CDH4: variants seen among roughly 807,000 people sequenced by gnomAD.
CDH4 encodes cadherin-4.
In CDH4, 33 loss-of-function variants were observed where a neutral mutation model predicts 86.0. The ratio of observed to expected loss-of-function variants is 0.38; its 90% CI spans 0.29 to 0.51. CDH4 has a LOEUF of 0.51. CDH4 is among the 20% of genes least tolerant of loss of function. The pLI is 0.86. For missense variants in CDH4, 1,114 were observed against 1,307.4 expected, an observed-to-expected ratio of 0.85 and a Z score of 2.28; for synonymous variants, 555 against 549.4, an observed-to-expected ratio of 1.01 and a Z score of -0.14.
intron 8 of CDH4, among the ~76,000 whole-genome samples, chr20:61,898,839 G>A (rs1985251018): frequency 6.6e-6 from 1 of 152,200 alleles, no homozygotes; most frequent in African/African-American, 2.4e-5. Context: ...AAATGCCATG[G>A]GTGGTGCCCA....
chr20:61,662,944 C>T (rs1325686240), intron 2 of CDH4, among the ~76,000 whole-genome samples: 1 of 152,132 alleles, frequency 6.6e-6, no homozygotes, highest in Non-Finnish European at 1.5e-5. Context: ...CAGCACCCAT[C>T]TCTGTCCACT....
rs189579996 is a variant in CDH4 at position 61,271,032 on chromosome 20, A to T, written c.169+16095A>T. On this transcript the variant is annotated intron_variant, in intron 2 of 15. Coordinates refer to ENST00000614565, the MANE Select transcript of CDH4 (RefSeq NM_001794.5). ...ACTATAAGCACAATATTCTCTAAAA[A>T]TCTCATTTCTAAATATGATGGCAGT... is the stretch of plus-strand genomic sequence containing the variant. Among the ~76,000 whole-genome samples the T allele has an allele frequency of 2.6e-5, 4 of 152,264 alleles. No homozygotes were observed. In the East Asian group the frequency reaches 5.8e-4, roughly 22 times the overall value.
At chr20:61,351,770 G>A (rs1280207341) in intron 2 of CDH4, among the ~76,000 whole-genome samples, 2 of 151,130 alleles carry the variant, frequency 1.3e-5, no homozygotes, top group South Asian at 2.1e-4. Context: ...ATGCTGGAGT[G>A]CAGTGGCGCA....
In CDH4 at chr20:61,902,663, T is replaced by G. The variant is rs1489894409; in HGVS notation, c.1188+7616T>G. Among the ~76,000 whole-genome samples, 1 of 152,238 alleles carries G rather than the reference T, an allele frequency of 6.6e-6. No individual in the cohort carries two copies. Among genetic ancestry groups the G allele is most frequent in the Non-Finnish European group, 1.5e-5 (1 of 68,044 alleles). On this transcript the variant is annotated intron_variant, in intron 8 of 15. Coordinates refer to ENST00000614565, the MANE Select transcript of CDH4 (RefSeq NM_001794.5). This position sits in a 1 kb window ranked among gnomAD's most constrained non-coding sequence, Gnocchi z 4.6. ...AAACAGAAGCGAGTGGGTGTGGCCA[T>G]GTCCCAATAAACTTTATTTACAAAA...
intron 7 of CDH4, among the ~76,000 whole-genome samples, chr20:61,888,580 A>G (rs1210395646): frequency 1.3e-5 from 2 of 152,242 alleles, no homozygotes; most frequent in East Asian, 3.8e-4. Flanking sequence ...GGCCCAGCGA[A>G]TGTCTGGACA....
At chr20:61,931,529 G>A (rs562701681) in intron 13 of CDH4, among the ~76,000 whole-genome samples, 11 of 152,292 alleles carry the variant, frequency 7.2e-5, no homozygotes, top group South Asian at 2.1e-4. Flanking sequence ...TCTCGCCTCC[G>A]GGCTCACCCT....
chr20:61,653,825 A>G (rs369188350), intron 2 of CDH4, among the ~76,000 whole-genome samples: 4 of 50,976 alleles, frequency 7.8e-5, no homozygotes, highest in Non-Finnish European at 2.1e-4. Flanking sequence ...CCTAGATGGG[A>G]TGGCGGCCGG....
intron 15 of CDH4, 30 bp downstream of exon 15, chr20:61,934,250 G>A (rs766549411): frequency 6.6e-7 from 1 of 1,507,064 alleles, no homozygotes; most frequent in Non-Finnish European, 8.9e-7. Context: ...GGGGGGCCCG[G>A]GCAAGGTGTC....
intron 2 of CDH4, among the ~76,000 whole-genome samples, chr20:61,361,249 G>C (rs528708178): frequency 6.6e-6 from 1 of 152,272 alleles, no homozygotes; most frequent in Non-Finnish European, 1.5e-5. Context: ...AGGGTTTCTG[G>C]GATGGGCCCT....
rs2088543182 is a variant in CDH4, at chr20:61,754,908, T to G, written c.396+11119T>G. ...TACCCTGCACATACCACACACAGAG[T>G]GCGTGCCTGTATTAGTCCGTTTTCA... On this transcript the variant is annotated intron_variant, in intron 3 of 15. Transcript: ENST00000614565. This position sits in a 1 kb window ranked among gnomAD's most constrained non-coding sequence, Gnocchi z 4.7. 1 of 150,750 alleles carries G rather than the reference T, an allele frequency of 6.6e-6. No homozygotes were observed. Among genetic ancestry groups the G allele is most frequent in the African/African-American group, 2.4e-5 (1 of 40,828 alleles). The allele number at this position is 150,750 out of a possible 1,614,324, so 9.3% of individuals were successfully genotyped here. A position where few individuals can be genotyped will look rare whatever the true frequency, so the allele number is the denominator to read the frequency against.
At position 61,283,513 on chromosome 20, in the gene CDH4, GTGGTGTGTGATGTAGGTGCA is replaced by G. The variant is rs1568781144; in HGVS notation, c.169+28578_169+28597del. On this transcript the variant is annotated intron_variant, in intron 2 of 15. Transcript: ENST00000614565. ...GTAGGTGCATTTGCACGCGTGTGCTGTGGTGTGTGATGTAGGTGCATTTACACGCGTGTGCTGTGGTGTGT... is the reference window on the plus strand; with the variant it reads ...GTAGGTGCATTTGCACGCGTGTGCTGTTTACACGCGTGTGCTGTGGTGTGT... Among the ~76,000 whole-genome samples, 15 of 128,852 alleles carry G rather than the reference GTGGTGTGTGATGTAGGTGCA, an allele frequency of 1.2e-4. 2 individuals carry two copies. Among genetic ancestry groups the G allele is most frequent in the African/African-American group, 3.1e-4 (11 of 35,176 alleles). 84.5% of individuals were successfully genotyped at this position (128,852 alleles called of 152,430 possible).
chr20:61,569,634 G>A lies in CDH4; in HGVS notation c.170-173929G>A, dbSNP rs146311970. Among the ~76,000 whole-genome samples the A allele has an allele frequency of 8.6e-3, 1,303 of 152,192 alleles. 22 individuals are homozygous for A. The highest frequency in any genetic ancestry group is 0.03 in the African/African-American group (1,247 of 41,516). On this transcript the variant is annotated intron_variant, in intron 2 of 15. Transcript: ENST00000614565. ...AATTCAGGAAATGTACCAATGATAC[G>A]AGATTCATATCTAATCTAGATATTC...
chr20:61,899,060 G>C (rs1253237519), intron 8 of CDH4, among the ~76,000 whole-genome samples: 1 of 152,170 alleles, frequency 6.6e-6, no homozygotes, highest in Non-Finnish European at 1.5e-5. Context: ...ACTTTGGGAG[G>C]CCAAGGTGGG....
chr20:61,688,346 C>T (rs181108132), intron 2 of CDH4, among the ~76,000 whole-genome samples: 28 of 152,212 alleles, frequency 1.8e-4, no homozygotes, highest in Non-Finnish European at 2.1e-4. Context: ...CCATTGTGTC[C>T]TCCTCCCACC....
At chr20:61,832,321 CT>C (rs528780270) in intron 4 of CDH4, among the ~76,000 whole-genome samples, 3 of 152,194 alleles carry the variant, frequency 2.0e-5, no homozygotes, top group Non-Finnish European at 4.4e-5. Flanking sequence ...GTTTCCTCAT[CT>C]GTAACAGGGA....
At chr20:61,594,801 C>A (rs1032962698) in intron 2 of CDH4, among the ~76,000 whole-genome samples, 8 of 152,224 alleles carry the variant, frequency 5.3e-5, no homozygotes, top group African/African-American at 1.9e-4. Context: ...AAGACATCTT[C>A]GCTGACCCAC....
chr20:61,276,367 T>C (rs1381041992), intron 2 of CDH4, among the ~76,000 whole-genome samples: 1 of 152,228 alleles, frequency 6.6e-6, no homozygotes, highest in Non-Finnish European at 1.5e-5. Context: ...TGCTTTTCAG[T>C]GATCTCCAGC....
At chr20:61,461,464 G>T (rs1313834269) in intron 2 of CDH4, among the ~76,000 whole-genome samples, 3 of 152,160 alleles carry the variant, frequency 2.0e-5, no homozygotes, top group Non-Finnish European at 4.4e-5. Context: ...AAGTGACTCG[G>T]CTTCCGCTGG....
chr20:61,385,653 C>A (rs1166439019), intron 2 of CDH4, among the ~76,000 whole-genome samples: 1 of 152,116 alleles, frequency 6.6e-6, no homozygotes, highest in Non-Finnish European at 1.5e-5. Context: ...CTCCCGTTAT[C>A]TTCTGTTGCT....
Sources: allele counts gnomAD v4.1 joint callset (sites outside exome capture counted in the v4.1 genomes callset), GRCh38; gene constraint gnomAD v4.1.1; non-coding constraint Gnocchi (gnomAD v3.1); transcripts MANE v1.5; gene names NCBI Gene and HGNC (gene_info 2026-07-23, HGNC 2026-07-21).